CCSER1: variants seen among roughly 807,000 people sequenced by gnomAD.
CCSER1 encodes serine-rich coiled-coil domain-containing protein 1.
CCSER1 carries 41 observed loss-of-function variants against 82.0 expected under a neutral mutation model. The observed-to-expected ratio is 0.50, with a 90% CI of 0.39 to 0.65. CCSER1 has a LOEUF of 0.65. Ranked by LOEUF, CCSER1 falls within the 30% of genes least tolerant of loss-of-function variation. The pLI, the probability that CCSER1 is intolerant of heterozygous loss-of-function variation, is 0.00. For missense variants in CCSER1, 1,119 were observed against 1,064.2 expected, an observed-to-expected ratio of 1.05 and a Z score of -0.72; for synonymous variants, 414 against 383.9, an observed-to-expected ratio of 1.08 and a Z score of -0.92.
chr4:90,633,040 AC>A (rs1172774737), intron 6 of CCSER1, among the ~76,000 whole-genome samples: 1 of 152,064 alleles, frequency 6.6e-6, no homozygotes, highest in Admixed American at 6.6e-5. Flanking sequence ...TCATTGGAGC[AC>A]TTATGTCTCC....
chr4:90,265,540 C>T (rs993222987), intron 1 of CCSER1, among the ~76,000 whole-genome samples: 5 of 151,666 alleles, frequency 3.3e-5, no homozygotes, highest in African/African-American at 4.8e-5. Context: ...GTCCACATTG[C>T]CATGTTTTTA....
At chr4:90,428,099 G>C (rs780107374) in intron 4 of CCSER1, among the ~76,000 whole-genome samples, 2 of 151,650 alleles carry the variant, frequency 1.3e-5, no homozygotes, top group Non-Finnish European at 3.0e-5. Flanking sequence ...GTAGTCCTCA[G>C]GAAACCAATA....
chr4:91,062,876 T>C (rs1365760446), intron 9 of CCSER1, among the ~76,000 whole-genome samples: 2 of 152,138 alleles, frequency 1.3e-5, no homozygotes, highest in African/African-American at 2.4e-5. Flanking sequence ...AATATTGTTG[T>C]ACCTTGTTTT....
At chr4:90,230,322 C>A (rs1369241610) in intron 1 of CCSER1, among the ~76,000 whole-genome samples, 4 of 152,166 alleles carry the variant, frequency 2.6e-5, no homozygotes, top group African/African-American at 9.7e-5. Context: ...GAAACTCACT[C>A]AAAACCGCTC....
chr4:90,304,738 T>C (rs1733909103), intron 1 of CCSER1, among the ~76,000 whole-genome samples: 1 of 152,048 alleles, frequency 6.6e-6, no homozygotes, highest in East Asian at 1.9e-4. Context: ...GCATGGCACA[T>C]GTATACATAT....
chr4:90,296,220 A>G (rs1414125996), intron 1 of CCSER1, among the ~76,000 whole-genome samples: 1 of 152,092 alleles, frequency 6.6e-6, no homozygotes, highest in Non-Finnish European at 1.5e-5. Context: ...TTGACAGTGA[A>G]CAATTATTCA....
intron 1 of CCSER1, among the ~76,000 whole-genome samples, chr4:90,286,143 G>A (rs1322385036): frequency 6.6e-6 from 1 of 151,916 alleles, no homozygotes. Context: ...GGTAATACTG[G>A]CCCCATGGAA....
chr4:90,262,956 G>A (rs962242019), intron 1 of CCSER1, among the ~76,000 whole-genome samples: 3 of 152,126 alleles, frequency 2.0e-5, no homozygotes, highest in Non-Finnish European at 4.4e-5. Flanking sequence ...GTCTATAGAT[G>A]TGTCCTCGCT....
chr4:90,485,680 T>C (rs1766922757), intron 5 of CCSER1, among the ~76,000 whole-genome samples: 2 of 152,174 alleles, frequency 1.3e-5, no homozygotes, highest in South Asian at 4.1e-4. Context: ...TGATTTTTCC[T>C]GATCCTTTCC....
At chr4:90,498,460 C>G (rs1769360037) in intron 5 of CCSER1, among the ~76,000 whole-genome samples, 1 of 152,114 alleles carries the variant, frequency 6.6e-6, no homozygotes, top group Non-Finnish European at 1.5e-5. Context: ...CTGACATTTA[C>G]ATAGTTCTTA....
chr4:91,360,026 T>A (rs1484089475), intron 10 of CCSER1, among the ~76,000 whole-genome samples: 1 of 151,930 alleles, frequency 6.6e-6, no homozygotes, highest in African/African-American at 2.4e-5. Context: ...AAGCTGAGAT[T>A]CAAACTCAGT....
chr4:90,176,421 A>G (rs563942656), intron 1 of CCSER1, among the ~76,000 whole-genome samples: 10 of 152,110 alleles, frequency 6.6e-5, no homozygotes, highest in Admixed American at 2.0e-4. Flanking sequence ...CTTGTCAATG[A>G]GATGTTGTTT....
At chr4:90,239,571 G>A (rs1254662879) in intron 1 of CCSER1, among the ~76,000 whole-genome samples, 3 of 152,104 alleles carry the variant, frequency 2.0e-5, no homozygotes, top group African/African-American at 4.8e-5. Context: ...GTACAATTAT[G>A]GTTCACTGCA....
rs899364387 is a variant in CCSER1, at chr4:90,348,813, G to C, written c.1509+35766G>C. 2.6e-5 allele frequency among the ~76,000 whole-genome samples: 4 copies of C among 152,242 alleles called. No homozygotes were observed. The South Asian group carries it at 6.2e-4, about 24-fold the overall frequency. ...CCCACAAACTATTATGTGTATCACT[G>C]CCAGAATAATTGCCCTAAGCAACGG... is the stretch of plus-strand genomic sequence containing the variant. On this transcript the variant is annotated intron_variant, in intron 3 of 10. Transcript: ENST00000509176.
intron 9 of CCSER1, among the ~76,000 whole-genome samples, chr4:90,973,293 A>C (rs1735291257): frequency 6.6e-6 from 1 of 151,766 alleles, no homozygotes. Flanking sequence ...AATATCTACA[A>C]TATATGATAC....
chr4:90,916,633 G>C (rs532096906), intron 8 of CCSER1, among the ~76,000 whole-genome samples: 73 of 152,280 alleles, frequency 4.8e-4, no homozygotes, highest in African/African-American at 1.5e-3. Context: ...AACACTGAAA[G>C]CAATGGCAAC....
chr4:91,070,557 T>G (rs1324244469), intron 9 of CCSER1, among the ~76,000 whole-genome samples: 1 of 152,144 alleles, frequency 6.6e-6, no homozygotes, highest in African/African-American at 2.4e-5. Flanking sequence ...AGATGACCAG[T>G]AGGCAAATGA....
intron 3 of CCSER1, among the ~76,000 whole-genome samples, chr4:90,386,743 T>G (rs1219264579): frequency 6.6e-6 from 1 of 152,178 alleles, no homozygotes; most frequent in Non-Finnish European, 1.5e-5. Context: ...ACACCTACTT[T>G]AGATGAATTG....
intron 10 of CCSER1, among the ~76,000 whole-genome samples, chr4:91,141,245 T>C (rs932285899): frequency 6.6e-6 from 1 of 151,782 alleles, no homozygotes; most frequent in Non-Finnish European, 1.5e-5. Flanking sequence ...CCTCTACCTC[T>C]TGAGTTCAAG....
Sources: allele counts gnomAD v4.1 joint callset (sites outside exome capture counted in the v4.1 genomes callset), GRCh38; gene constraint gnomAD v4.1.1; transcripts MANE v1.5; gene names NCBI Gene and HGNC (gene_info 2026-07-23, HGNC 2026-07-21).